The following CNOT6L variants were observed in gnomAD, a reference collection of about 807,000 sequenced individuals.
CNOT6L encodes CCR4-NOT transcription complex subunit 6 like, also known as CCR4-NOT transcription complex subunit 6-like.
Under a neutral mutation model 64.0 loss-of-function variants are expected in CNOT6L, and 7 were observed. The ratio of observed to expected loss-of-function variants is 0.11; its 90% CI spans 0.06 to 0.21. CNOT6L has a LOEUF of 0.21. Among genes scored for constraint, CNOT6L ranks in the 10% least tolerant of loss-of-function variants. CNOT6L has a pLI of 1.00. For synonymous variants in CNOT6L, 193 were observed against 243.4 expected (o/e 0.79, Z 1.93); for missense variants, 245 against 669.0 (o/e 0.37, Z 6.99).
Position 77,729,079 on chromosome 4 carries a change from T to C in CNOT6L, c.1027A>G (p.Met343Val). The C allele has an allele frequency of 6.2e-7, 1 of 1,607,554 alleles. No homozygotes were observed. The highest frequency in any genetic ancestry group is 8.5e-7 in the Non-Finnish European group (1 of 1,175,064). Residue 343 changes from methionine to valine, a missense_variant and splice_region_variant, in exon 10 of 12, where the codon ATG (methionine) becomes GTG (valine). Physicochemically the swap from Met to Val is conservative, Grantham distance 21. Around this residue, in one of 10 missense-constraint regions of CNOT6L, gnomAD observed 94 missense variants for 290.9 expected, o/e 0.32. Coordinates refer to ENST00000504123, the MANE Select transcript of CNOT6L (RefSeq NM_144571.3). ...TTGTCTGCAGCATGAATAGGCTTCA[T>C]ACCTAAATTTAAACATTACAAAAAG... ...EVHKELFGAG[M>V]KPIHAADKQL...
At position 77,744,761 on chromosome 4, in the gene CNOT6L, A is replaced by G; in HGVS notation, c.674T>C (p.Met225Thr). ...LNWEYRKKGI[M>T]EEIVNCDADI... ...TGCGTCACAGTTAACAATTTCTTCC[A>G]TAATTCCCTTTTTCCTGTATTCCCA... is the stretch of plus-strand genomic sequence containing the variant. Residue 225 changes from methionine to threonine, a missense_variant, in exon 7 of 12, where the codon ATG becomes ACG. Around this residue, in one of 10 missense-constraint regions of CNOT6L, gnomAD observed 94 missense variants for 290.9 expected, o/e 0.32. Coordinates refer to ENST00000504123, the MANE Select transcript of CNOT6L (RefSeq NM_144571.3). 1 of 1,613,492 alleles carries G rather than the reference A, an allele frequency of 6.2e-7. No individual in the cohort carries two copies. The highest frequency in any genetic ancestry group is 8.5e-7 in the Non-Finnish European group (1 of 1,179,654).
chr4:77,743,998 A>T (rs1450466889), intron 7 of CNOT6L, among the ~76,000 whole-genome samples: 1 of 152,204 alleles, frequency 6.6e-6, no homozygotes, highest in Admixed American at 6.5e-5. Context: ...AAAAAAATAT[A>T]TATGTATCAA....
intron 5 of CNOT6L, among the ~76,000 whole-genome samples, chr4:77,753,396 C>T (rs913440294): frequency 5.5e-4 from 83 of 152,166 alleles, no homozygotes; most frequent in African/African-American, 1.8e-3. Context: ...ATAGGCTGGG[C>T]GCACTGGCTC....
chr4:77,820,050 C>CTGCCGCCGCTGCGGGGGT (rs1734109740), upstream of CNOT6L, among the ~76,000 whole-genome samples: 1 of 152,078 alleles, frequency 6.6e-6, no homozygotes, highest in Admixed American at 6.5e-5. Flanking sequence ...GGTGCTGGGG[C>CTGCCGCCGCTGCGGGGGT]TGCCGCCGCT....
chr4:77,731,430 A>G lies in CNOT6L; in HGVS notation c.981T>C (p.Gly327=). The change falls in exon 9 of 12, where the codon GGT becomes GGC. Residue 327 remains glycine, a synonymous_variant. Transcript: ENST00000504123. ...LNRVMTKDNI[G]VAVVLEVHKE... ...TGTGGACCTCTAATACCACAGCGAC[A>G]CCAATGTTATCTTTTGTCATCACTC... The G allele has an allele frequency of 1.9e-6, 3 of 1,612,904 alleles. No individual in the cohort carries two copies. Among genetic ancestry groups the G allele is most frequent in the Non-Finnish European group, 2.5e-6 (3 of 1,179,432 alleles).
intron 1 of CNOT6L, among the ~76,000 whole-genome samples, chr4:77,815,728 A>C (rs1053818355): frequency 3.3e-5 from 5 of 152,196 alleles, no homozygotes; most frequent in Non-Finnish European, 5.9e-5. Flanking sequence ...GAGTTTCTTA[A>C]GAAATGGTCT....
In CNOT6L at chr4:77,718,354, C is replaced by A. The variant is rs958663891; in HGVS notation, c.*2077G>T. 5 of 152,552 alleles carry A rather than the reference C, an allele frequency of 3.3e-5. No individual in the cohort carries two copies. The highest frequency in any genetic ancestry group is 1.2e-4 in the African/African-American group (5 of 41,428). 9.4% of individuals were successfully genotyped at this position (152,552 alleles called of 1,614,324 possible). On this transcript the variant is annotated 3_prime_UTR_variant, in exon 12 of 12. Coordinates refer to ENST00000504123, the MANE Select transcript of CNOT6L (RefSeq NM_144571.3). ...GTAATGTCCACAAAATTAAGTTTTT[C>A]ATGCTATTCTACTTTCCAGTACTAT...
At chr4:77,809,881 C>A (rs964448855) in intron 1 of CNOT6L, among the ~76,000 whole-genome samples, 2 of 152,048 alleles carry the variant, frequency 1.3e-5, no homozygotes, top group Non-Finnish European at 2.9e-5. Context: ...GTTTTAATCT[C>A]TATTTTGTGT....
intron 1 of CNOT6L, among the ~76,000 whole-genome samples, chr4:77,780,931 G>A (rs1214061657): frequency 3.3e-5 from 5 of 152,026 alleles, no homozygotes; most frequent in Non-Finnish European, 7.4e-5. Context: ...CCTCTGAATA[G>A]CCACTGCACT....
chr4:77,740,779 C>G (rs778710553), intron 8 of CNOT6L, among the ~76,000 whole-genome samples: 9 of 152,216 alleles, frequency 5.9e-5, no homozygotes, highest in Non-Finnish European at 1.3e-4. Context: ...TGAAAAATTC[C>G]TATCACCCAG....
At position 77,717,019 on chromosome 4, in the gene CNOT6L, ATG is replaced by A. The variant is rs1720814999; in HGVS notation, c.*3410_*3411del. On this transcript the variant is annotated 3_prime_UTR_variant, in exon 12 of 12. Transcript: ENST00000504123. ...AGAAATGAAACAAAAATATTCAGCT[ATG>A]TTATTATACAAAATTTTTTTTACAT... 6.6e-6 allele frequency: 1 copy of A among 152,504 alleles called. No homozygotes were observed. The allele number at this position is 152,504 out of a possible 1,614,324, so 9.4% of individuals were successfully genotyped here. A position where few individuals can be genotyped will look rare whatever the true frequency, so the allele number is the denominator to read the frequency against.
At chr4:77,724,355 T>C (rs1409891435) in intron 11 of CNOT6L, among the ~76,000 whole-genome samples, 1 of 149,634 alleles carries the variant, frequency 6.7e-6, no homozygotes, top group Non-Finnish European at 1.5e-5. Context: ...AAAAAAAATC[T>C]AGGCTGGGTA....
chr4:77,800,352 T>G (rs1165945805), intron 1 of CNOT6L, among the ~76,000 whole-genome samples: 1 of 151,856 alleles, frequency 6.6e-6, no homozygotes, highest in Non-Finnish European at 1.5e-5. Context: ...AAAAAATTTT[T>G]TTTTTTAAAG....
rs562304696 is a variant in CNOT6L at position 77,779,069 on chromosome 4, A to C, written c.6-2677T>G. Among the ~76,000 whole-genome samples, 127 of 106,132 alleles carry C rather than the reference A, an allele frequency of 1.2e-3. 1 individual carries two copies. The highest frequency in any genetic ancestry group is 3.9e-3 in the African/African-American group (117 of 30,158). The allele number at this position is 106,132 out of a possible 152,430, so 69.6% of individuals were successfully genotyped here. A position where few individuals can be genotyped will look rare whatever the true frequency, so the allele number is the denominator to read the frequency against. ...CTCAAAAAAAAAAAAAAAACAAAAA[A>C]AAAACACAAAAAACACACAGGCATA... On this transcript the variant is annotated intron_variant, in intron 1 of 11. Coordinates refer to ENST00000504123, the MANE Select transcript of CNOT6L (RefSeq NM_144571.3).
At chr4:77,745,859 G>A (rs534072704) in intron 6 of CNOT6L, among the ~76,000 whole-genome samples, 1 of 152,350 alleles carries the variant, frequency 6.6e-6, no homozygotes, top group South Asian at 2.1e-4. Flanking sequence ...TCAAAGTGAA[G>A]TGACACTTGA....
intron 4 of CNOT6L, among the ~76,000 whole-genome samples, chr4:77,765,874 T>C (rs1338839557): frequency 6.6e-6 from 1 of 152,218 alleles, no homozygotes; most frequent in Non-Finnish European, 1.5e-5. Flanking sequence ...GCTACAATAT[T>C]TGCTGCTTAC....
intron 1 of CNOT6L, among the ~76,000 whole-genome samples, chr4:77,797,256 A>G (rs1055133871): frequency 2.0e-5 from 3 of 152,088 alleles, no homozygotes; most frequent in Non-Finnish European, 4.4e-5. Context: ...AAAACACAGT[A>G]GCCCCCCATC....
rs773329544 is a variant in CNOT6L at position 77,742,300 on chromosome 4, G to C, written c.718-5C>G. ...GTATTGCTCTGTTTCCACTTCCTGA[G>C]ATGAAAGAAAAGTTATCATCTATAT... On this transcript the variant is annotated splice_region_variant and splice_polypyrimidine_tract_variant and intron_variant, in intron 7 of 11. Transcript: ENST00000504123. The C allele has an allele frequency of 3.5e-5, 56 of 1,607,956 alleles. No individual in the cohort carries two copies. In the Admixed American group the frequency reaches 8.1e-4, roughly 23 times the overall value.
At chr4:77,764,206 A>G (rs965299482) in intron 4 of CNOT6L, among the ~76,000 whole-genome samples, 3 of 152,232 alleles carry the variant, frequency 2.0e-5, no homozygotes, top group Non-Finnish European at 4.4e-5. Flanking sequence ...CATTTTAAGT[A>G]TCACAGTCTA....
Sources: gnomAD v4.1 joint callset for allele counts (sites outside exome capture counted in the v4.1 genomes callset) on GRCh38, gnomAD v4.1.1 for gene constraint, gnomAD v4.1.1 regional missense constraint, MANE v1.5 for transcripts, NCBI Gene and HGNC (gene_info 2026-07-23, HGNC 2026-07-21) for gene names.